TOM1L2: variants seen among roughly 807,000 people sequenced by gnomAD.
The protein encoded by TOM1L2 is target of myb1 like 2 membrane trafficking protein, also known as TOM1-like protein 2.
A neutral mutation model predicts 67.9 loss-of-function variants in TOM1L2; 31 were observed. The observed-to-expected ratio is 0.46, with a 90% CI of 0.34 to 0.62. The LOEUF (loss-of-function observed/expected upper bound fraction) is 0.62. TOM1L2 is among the 20% of genes least tolerant of loss of function. The pLI, the probability that TOM1L2 is intolerant of heterozygous loss-of-function variation, is 0.01. For synonymous variants in TOM1L2, 256 were observed against 254.0 expected (o/e 1.01, Z -0.07); for missense variants, 606 against 663.5 (o/e 0.91, Z 0.95).
chr17:17,879,651 ATCC>A lies in TOM1L2; in HGVS notation c.750_752del (p.Glu250del). 1 of 1,614,128 alleles carries A rather than the reference ATCC, an allele frequency of 6.2e-7. No homozygotes were observed. The highest frequency in any genetic ancestry group is 1.3e-5 in the African/African-American group (1 of 75,038). On this transcript the variant is annotated inframe_deletion, in exon 7 of 15. Transcript: ENST00000379504. ...CCTGCAGCAACTCCAGATCAGATGAATCCTCCTGTCCAGGGACCATTTCTGTTA... is the reference window on the plus strand; with the variant it reads ...CCTGCAGCAACTCCAGATCAGATGAATCCTGTCCAGGGACCATTTCTGTTA...
At chr17:17,937,556 C>G (rs1248784003) in intron 1 of TOM1L2, among the ~76,000 whole-genome samples, 1 of 152,140 alleles carries the variant, frequency 6.6e-6, no homozygotes, top group African/African-American at 2.4e-5. Flanking sequence ...TGGGGGAGGG[C>G]CTTTCCCAGT....
intron 8 of TOM1L2, among the ~76,000 whole-genome samples, chr17:17,867,631 T>TCA (rs2036930506): frequency 6.6e-6 from 1 of 152,190 alleles, no homozygotes; most frequent in South Asian, 2.1e-4. Context: ...CTGTATCGTA[T>TCA]TTAAAAACTC....
intron 1 of TOM1L2, among the ~76,000 whole-genome samples, chr17:17,912,558 G>C (rs1598323263): frequency 6.7e-6 from 1 of 150,026 alleles, no homozygotes; most frequent in Non-Finnish European, 1.5e-5. Context: ...GGGCGGCGGG[G>C]CAGAGGCGCT....
At chr17:17,871,936 G>A (rs2037175414) in intron 7 of TOM1L2, 6 of 970,004 alleles carry the variant, frequency 6.2e-6, no homozygotes, top group Admixed American at 6.2e-5. Flanking sequence ...CTACTATCCA[G>A]TAAAGAGAAA....
intron 4 of TOM1L2, 21 bp from the exon 5 acceptor site, chr17:17,884,789 T>A (rs749254571): frequency 6.2e-7 from 1 of 1,612,408 alleles, no homozygotes; most frequent in Non-Finnish European, 8.5e-7. Flanking sequence ...AGAAGGCCTG[T>A]TAGGAAGCAT....
intron 7 of TOM1L2, among the ~76,000 whole-genome samples, chr17:17,873,609 G>A (rs1403562283): frequency 2.0e-5 from 3 of 152,250 alleles, no homozygotes; most frequent in Admixed American, 2.0e-4. Flanking sequence ...CCCAGCACCG[G>A]CGGCCTGATG....
At chr17:17,972,209 A>T in intron 1 of TOM1L2, 53 bp downstream of exon 1, 1 of 1,546,750 alleles carries the variant, frequency 6.5e-7, no homozygotes, top group South Asian at 1.2e-5. Context: ...GGTCCTCACC[A>T]GCCGGATCAG....
At chr17:17,868,487 G>A (rs2036975476) in intron 8 of TOM1L2, among the ~76,000 whole-genome samples, 1 of 152,206 alleles carries the variant, frequency 6.6e-6, no homozygotes, top group Non-Finnish European at 1.5e-5. Context: ...GAGGGGACCA[G>A]GACCTTAAAT....
chr17:17,954,693 G>T (rs1188729140), intron 1 of TOM1L2, among the ~76,000 whole-genome samples: 1 of 152,186 alleles, frequency 6.6e-6, no homozygotes, highest in Non-Finnish European at 1.5e-5. Flanking sequence ...GAAGGTTCCA[G>T]AGTGTAGAAA....
chr17:17,891,894 G>A (rs540387211), intron 4 of TOM1L2, among the ~76,000 whole-genome samples: 20 of 151,884 alleles, frequency 1.3e-4, no homozygotes, highest in Admixed American at 7.9e-4. Context: ...GGGTAAACAG[G>A]GGAAGGCCTC....
At chr17:17,878,175 C>G (rs1568140138) in intron 7 of TOM1L2, among the ~76,000 whole-genome samples, 1 of 152,212 alleles carries the variant, frequency 6.6e-6, no homozygotes, top group Non-Finnish European at 1.5e-5. Context: ...AATGACAATG[C>G]ATTCAAGGGA....
chr17:17,912,800 C>T (rs1178626894), intron 1 of TOM1L2, among the ~76,000 whole-genome samples: 1 of 152,034 alleles, frequency 6.6e-6, no homozygotes, highest in Non-Finnish European at 1.5e-5. Flanking sequence ...CGGGCAGAGG[C>T]TGCAATCTCG....
At chr17:17,911,416 G>A (rs1408110420) in intron 1 of TOM1L2, among the ~76,000 whole-genome samples, 2 of 152,216 alleles carry the variant, frequency 1.3e-5, no homozygotes, top group Non-Finnish European at 2.9e-5. Context: ...TATCCGTCCA[G>A]AGGGCTGGCT....
At chr17:17,898,510 G>A in intron 3 of TOM1L2, 86 bp downstream of exon 3, 2 of 1,383,664 alleles carry the variant, frequency 1.4e-6, no homozygotes, top group South Asian at 1.2e-5. Flanking sequence ...TGCTAAGTGG[G>A]CAGAGGGAAG....
At chr17:17,870,581 G>C (rs1231672886) in intron 7 of TOM1L2, among the ~76,000 whole-genome samples, 1 of 152,170 alleles carries the variant, frequency 6.6e-6, no homozygotes, top group African/African-American at 2.4e-5. Flanking sequence ...AGACATGAAG[G>C]ATAAGTCTCT....
At chr17:17,912,165 C>A (rs1449888546) in intron 1 of TOM1L2, among the ~76,000 whole-genome samples, 1 of 152,098 alleles carries the variant, frequency 6.6e-6, no homozygotes, top group African/African-American at 2.4e-5. Context: ...CAATGAGCCG[C>A]TGGGCACACC....
intron 3 of TOM1L2, among the ~76,000 whole-genome samples, chr17:17,894,975 A>ACATACATACATACATG (rs1555598776): frequency 9.5e-5 from 14 of 147,692 alleles, no homozygotes; most frequent in African/African-American, 3.5e-4. Flanking sequence ...ATACATACAT[A>ACATACATACATACATG]CATGCATGCA....
chr17:17,861,603 G>A (rs1470073896), intron 11 of TOM1L2, 52 bp from the exon 12 acceptor site: 1 of 1,519,472 alleles, frequency 6.6e-7, no homozygotes, highest in African/African-American at 1.4e-5. Flanking sequence ...CAGTGGTCAT[G>A]GAGGGATGGG....
chr17:17,949,715 C>A (rs2041105141), intron 1 of TOM1L2, among the ~76,000 whole-genome samples: 1 of 152,152 alleles, frequency 6.6e-6, no homozygotes, highest in African/African-American at 2.4e-5. Flanking sequence ...GGTGGTGTGT[C>A]CCGAAAAGGT....
Sources: gnomAD v4.1 joint callset for allele counts (sites outside exome capture counted in the v4.1 genomes callset) on GRCh38, gnomAD v4.1.1 for gene constraint, MANE v1.5 for transcripts, NCBI Gene and HGNC (gene_info 2026-07-23, HGNC 2026-07-21) for gene names.